The following SPATA3 variants were observed in gnomAD, a reference collection of about 807,000 sequenced individuals.
SPATA3 encodes spermatogenesis associated 3, also known as spermatogenesis-associated protein 3.
SPATA3 carries 6 observed loss-of-function variants against 5.7 expected under a neutral mutation model. The observed-to-expected ratio is 1.06, with a 90% CI of 0.58 to 2.09. SPATA3 has a LOEUF of 2.09. Among genes scored for constraint, SPATA3 ranks in the 30% most tolerant of loss-of-function variants. The probability of loss-of-function intolerance (pLI) is 0.00; values close to 1 mark genes in which losing one functional copy is unlikely to be tolerated. For missense variants in SPATA3, 155 were observed against 130.4 expected, an observed-to-expected ratio of 1.19 and a Z score of -0.92; for synonymous variants, 44 against 48.4, an observed-to-expected ratio of 0.91 and a Z score of 0.37.
chr2:231,012,125 C>T (rs556425760), downstream of SPATA3, among the ~76,000 whole-genome samples: 1 of 152,252 alleles, frequency 6.6e-6, no homozygotes, highest in East Asian at 1.9e-4. Context: ...TCACCAGCGG[C>T]AAGAAGGAAA....
chr2:231,015,390 G>C (rs967673957), intron 6 of SPATA3, among the ~76,000 whole-genome samples: 4 of 150,262 alleles, frequency 2.7e-5, no homozygotes, highest in East Asian at 2.0e-4. Flanking sequence ...CCAGGACCTA[G>C]TCTTTGGAAT....
downstream of SPATA3, among the ~76,000 whole-genome samples, chr2:231,005,545 C>A (rs199590477): frequency 6.0e-5 from 1 of 16,806 alleles, no homozygotes; most frequent in Non-Finnish European, 1.2e-4. Context: ...TCACCACCAT[C>A]ATCACCACCA....
intron 1 of SPATA3, among the ~76,000 whole-genome samples, chr2:230,997,799 A>G (rs886639483): frequency 1.2e-4 from 19 of 152,234 alleles, no homozygotes; most frequent in African/African-American, 4.3e-4. Context: ...TACTACTAAC[A>G]ATAATGGTGA....
At chr2:231,005,574 T>C (rs796099712), downstream of SPATA3, among the ~76,000 whole-genome samples, 6 of 37,228 alleles carry the variant, frequency 1.6e-4, no homozygotes, top group Admixed American at 5.3e-4. Flanking sequence ...ACCATCATCA[T>C]CACCATCATC....
chr2:231,011,128 GTTA>G (rs1692777337), downstream of SPATA3, among the ~76,000 whole-genome samples: 1 of 148,624 alleles, frequency 6.7e-6, no homozygotes, highest in Non-Finnish European at 1.5e-5. Flanking sequence ...TGGTTATTAT[GTTA>G]TTATTATTTA....
chr2:231,009,489 T>C (rs72999233), downstream of SPATA3, among the ~76,000 whole-genome samples: 80 of 152,260 alleles, frequency 5.3e-4, no homozygotes, highest in Middle Eastern at 3.4e-3. Context: ...AGGCCAAGAA[T>C]GCAATGCACA....
intron 1 of SPATA3, among the ~76,000 whole-genome samples, 164 bp from the exon 2 acceptor site, chr2:231,000,202 A>C (rs1692291968): frequency 1.3e-5 from 2 of 152,208 alleles, no homozygotes; most frequent in East Asian, 1.9e-4. Flanking sequence ...TAGGTAGTTC[A>C]GTCCCAAATC....
At position 230,996,468 on chromosome 2, in the gene SPATA3, C is replaced by T. The variant is rs200091077; in HGVS notation, c.791-3898C>T. 246 of 1,552,336 alleles carry T rather than the reference C, an allele frequency of 1.6e-4. 1 individual carries two copies. The East Asian group carries it at 2.9e-3, about 19-fold the overall frequency. ...AGCCCTTCCAGCACCCGAAATCCGCCGCTCCTCTTGCTGCCTTTTATCTCC... is the reference window on the plus strand; with the variant it reads ...AGCCCTTCCAGCACCCGAAATCCGCTGCTCCTCTTGCTGCCTTTTATCTCC... On this transcript the variant is annotated intron_variant, in intron 1 of 2. Transcript: ENST00000645363.
At chr2:231,009,876 C>T (rs1257690291), downstream of SPATA3, among the ~76,000 whole-genome samples, 3 of 152,220 alleles carry the variant, frequency 2.0e-5, no homozygotes, top group Non-Finnish European at 2.9e-5. Flanking sequence ...CCATTGTATT[C>T]AGAGTGTGGT....
At chr2:231,019,177 G>A (rs1693012729) in intron 6 of SPATA3, among the ~76,000 whole-genome samples, 1 of 150,484 alleles carries the variant, frequency 6.6e-6, no homozygotes, top group African/African-American at 2.5e-5. Context: ...CACCATGTTA[G>A]CCAGGATGGT....
chr2:231,018,511 TG>T (rs1190407788), intron 6 of SPATA3, among the ~76,000 whole-genome samples: 1 of 152,106 alleles, frequency 6.6e-6, no homozygotes, highest in Non-Finnish European at 1.5e-5. Flanking sequence ...GTGGTCCCTA[TG>T]CACATGTTCT....
At chr2:231,005,918 C>A (rs1280727166), downstream of SPATA3, among the ~76,000 whole-genome samples, 4 of 149,078 alleles carry the variant, frequency 2.7e-5, no homozygotes, top group African/African-American at 7.5e-5. Flanking sequence ...AATCCTAGAC[C>A]TTTGGGAGGC....
chr2:231,003,446 T>G, downstream of SPATA3, among the ~76,000 whole-genome samples: 1 of 150,762 alleles, frequency 6.6e-6, no homozygotes, highest in African/African-American at 2.5e-5. Context: ...TCTCAGGGAG[T>G]GAGGGAGTGA....
intron 6 of SPATA3, among the ~76,000 whole-genome samples, chr2:231,016,319 G>A (rs577003900): frequency 3.3e-5 from 5 of 152,086 alleles, no homozygotes; most frequent in African/African-American, 7.2e-5. Context: ...TCTCCACTGC[G>A]GTGAAAAGCA....
exon 2 of SPATA3, chr2:231,000,518 A>C: frequency 6.5e-7 from 1 of 1,540,052 alleles, no homozygotes; most frequent in Non-Finnish European, 8.8e-7. Flanking sequence ...AGGACTCCCC[A>C]ACCTGCTCAC....
At chr2:231,002,600 C>T in intron 2 of SPATA3, 84 bp from the exon 3 acceptor site, 2 of 760,722 alleles carry the variant, frequency 2.6e-6, no homozygotes, top group Non-Finnish European at 4.0e-6. Context: ...CCTGAGGGGG[C>T]CACATAATTT....
chr2:231,000,309 C>T, intron 1 of SPATA3, 57 bp from the exon 2 acceptor site: 1 of 1,389,070 alleles, frequency 7.2e-7, no homozygotes, highest in Non-Finnish European at 9.4e-7. Flanking sequence ...CCAGACTCCC[C>T]CGCCCCAGCC....
chr2:231,001,393 C>A (rs1400849021), intron 2 of SPATA3, among the ~76,000 whole-genome samples: 2 of 151,976 alleles, frequency 1.3e-5, no homozygotes, highest in African/African-American at 4.8e-5. Flanking sequence ...GGAACTGAGG[C>A]CCCCCAACCC....
intron 6 of SPATA3, among the ~76,000 whole-genome samples, chr2:231,015,113 C>T (rs1278436404): frequency 6.6e-6 from 1 of 151,254 alleles, no homozygotes; most frequent in African/African-American, 2.4e-5. Flanking sequence ...GCAAACCCTA[C>T]AGAGTCCCAA....
Sources: allele counts gnomAD v4.1 joint callset (sites outside exome capture counted in the v4.1 genomes callset), GRCh38; gene constraint gnomAD v4.1.1; transcripts MANE v1.5; gene names NCBI Gene and HGNC (gene_info 2026-07-23, HGNC 2026-07-21).